Variants in FAM20A observed in about 807,000 individuals in gnomAD.
FAM20A encodes the protein pseudokinase FAM20A.
In FAM20A, 42 loss-of-function variants were observed where a neutral mutation model predicts 52.0. The ratio of observed to expected loss-of-function variants is 0.81; its 90% CI spans 0.63 to 1.04. The LOEUF (loss-of-function observed/expected upper bound fraction) is 1.04, where lower values mean the gene tolerates loss of function less well. Among genes scored for constraint, FAM20A ranks in the 50% least tolerant of loss-of-function variants. The pLI, the probability that FAM20A is intolerant of heterozygous loss-of-function variation, is 0.00. For missense variants in FAM20A, 742 were observed against 712.7 expected, an observed-to-expected ratio of 1.04 and a Z score of -0.47; for synonymous variants, 304 against 298.9, an observed-to-expected ratio of 1.02 and a Z score of -0.18.
intron 1 of FAM20A, among the ~76,000 whole-genome samples, chr17:68,564,582 G>C (rs1437873693): frequency 3.3e-5 from 5 of 152,228 alleles, no homozygotes; most frequent in African/African-American, 1.2e-4. Context: ...TCATCCAAGG[G>C]ACCTTGGAAT....
intron 1 of FAM20A, among the ~76,000 whole-genome samples, chr17:68,597,841 C>T (rs1225748419): frequency 6.6e-6 from 1 of 152,114 alleles, no homozygotes; most frequent in African/African-American, 2.4e-5. Flanking sequence ...CTAGGGGTGT[C>T]CTCGACCCTG....
intron 1 of FAM20A, among the ~76,000 whole-genome samples, chr17:68,558,875 C>A (rs990856591): frequency 1.3e-5 from 2 of 152,188 alleles, no homozygotes; most frequent in Non-Finnish European, 2.9e-5. Flanking sequence ...TCTCCTGCCT[C>A]AGCCTTCTGA....
At chr17:68,561,122 A>G (rs1419452929) in intron 1 of FAM20A, among the ~76,000 whole-genome samples, 1 of 152,220 alleles carries the variant, frequency 6.6e-6, no homozygotes, top group Admixed American at 6.5e-5. Flanking sequence ...TTTAAAATGC[A>G]GAAATGTTGA....
chr17:68,600,756 GGA>G lies in FAM20A; in HGVS notation c.-92_-91del. 1 of 1,402,506 alleles carries G rather than the reference GGA, an allele frequency of 7.1e-7. No individual in the cohort carries two copies. Among genetic ancestry groups the G allele is most frequent in the Non-Finnish European group, 9.5e-7 (1 of 1,055,748 alleles). The allele number at this position is 1,402,506 out of a possible 1,614,324, so 86.9% of individuals were successfully genotyped here. ...CGGGGTGCGGGCAGAAGAGGTGCCT[GGA>G]GTCCCGCGGGTGGGCCGGGGTCAGT... On this transcript the variant is annotated 5_prime_UTR_variant, in exon 1 of 11. Coordinates refer to ENST00000592554, the MANE Select transcript of FAM20A (RefSeq NM_017565.4). The surrounding 1 kb of genome is among the most constrained non-coding windows in gnomAD (Gnocchi z 6.2).
intron 1 of FAM20A, among the ~76,000 whole-genome samples, chr17:68,577,673 A>C (rs989157490): frequency 6.6e-6 from 1 of 152,250 alleles, no homozygotes; most frequent in African/African-American, 2.4e-5. Context: ...TGATGGCCTG[A>C]AAATTGCTCT....
chr17:68,567,186 G>A (rs1242278181), intron 1 of FAM20A, among the ~76,000 whole-genome samples: 3 of 151,876 alleles, frequency 2.0e-5, no homozygotes, highest in Non-Finnish European at 4.4e-5. Context: ...AGCCTTGGTG[G>A]ACCCTATGGT....
intron 1 of FAM20A, among the ~76,000 whole-genome samples, chr17:68,578,884 A>G (rs2087855850): frequency 7.1e-6 from 1 of 140,718 alleles, no homozygotes; most frequent in Admixed American, 7.2e-5. Context: ...GCGTGGTGGC[A>G]GGTGCCTGTA....
chr17:68,547,636 TTC>T (rs2086631304), intron 4 of FAM20A, among the ~76,000 whole-genome samples: 1 of 152,232 alleles, frequency 6.6e-6, no homozygotes, highest in Non-Finnish European at 1.5e-5. Flanking sequence ...TTCTGCAGCT[TTC>T]TCACCTGTCT....
intron 4 of FAM20A, chr17:68,551,159 G>T: frequency 8.1e-7 from 1 of 1,227,086 alleles, no homozygotes; most frequent in South Asian, 4.1e-5. Context: ...ACCCTAACCT[G>T]TGGGCTGCAG....
chr17:68,595,386 C>T (rs1369712439), intron 1 of FAM20A, among the ~76,000 whole-genome samples: 3 of 152,152 alleles, frequency 2.0e-5, no homozygotes, highest in African/African-American at 2.4e-5. Context: ...TGATAATGGC[C>T]GTCTGGACCA....
chr17:68,589,332 T>G (rs1881072039), intron 1 of FAM20A, among the ~76,000 whole-genome samples: 1 of 152,200 alleles, frequency 6.6e-6, no homozygotes, highest in South Asian at 2.1e-4. Flanking sequence ...AGAAGAACCA[T>G]TCAGCTGAAC....
At chr17:68,546,193 A>G (rs1600542322) in intron 4 of FAM20A, among the ~76,000 whole-genome samples, 1 of 147,686 alleles carries the variant, frequency 6.8e-6, no homozygotes, top group African/African-American at 2.6e-5. Context: ...AAAAAAAAAA[A>G]AAGCAGCAAC....
At chr17:68,594,378 G>A (rs1346320212) in intron 1 of FAM20A, among the ~76,000 whole-genome samples, 14 of 149,836 alleles carry the variant, frequency 9.3e-5, no homozygotes, top group Admixed American at 6.6e-4. Flanking sequence ...CAGCCTGGGC[G>A]ACAGAGCGAG....
rs1422372446 is a variant in FAM20A, at chr17:68,536,784, G to A, written c.*693C>T. On this transcript the variant is annotated 3_prime_UTR_variant, in exon 11 of 11. Transcript: ENST00000592554. ...TTTATTCTGTTACTGGCTGCTTAGT[G>A]TGACATATTTGATGTTATTTCAATT... 4.4e-6 allele frequency: 2 copies of A among 453,902 alleles called. No individual in the cohort carries two copies. Among genetic ancestry groups the A allele is most frequent in the Non-Finnish European group, 4.4e-6 (1 of 226,762 alleles). 28.1% of individuals were successfully genotyped at this position (453,902 alleles called of 1,614,324 possible).
intron 1 of FAM20A, among the ~76,000 whole-genome samples, chr17:68,567,192 A>G (rs1422569352): frequency 2.0e-5 from 3 of 151,878 alleles, no homozygotes; most frequent in African/African-American, 2.4e-5. Context: ...GGTGGACCCT[A>G]TGGTCTCTGT....
intron 4 of FAM20A, among the ~76,000 whole-genome samples, chr17:68,546,201 A>C (rs2086556845): frequency 6.8e-6 from 1 of 146,170 alleles, no homozygotes; most frequent in African/African-American, 2.5e-5. Context: ...AAAAAGCAGC[A>C]ACTCTATCTG....
chr17:68,559,433 A>C (rs2087148247), intron 1 of FAM20A, among the ~76,000 whole-genome samples: 1 of 152,236 alleles, frequency 6.6e-6, no homozygotes, highest in Non-Finnish European at 1.5e-5. Flanking sequence ...AAAAGTATAT[A>C]TCACAAAAAT....
At chr17:68,538,647 C>G (rs2086166086) in intron 10 of FAM20A, among the ~76,000 whole-genome samples, 1 of 152,120 alleles carries the variant, frequency 6.6e-6, no homozygotes, top group Non-Finnish European at 1.5e-5. Flanking sequence ...CAGGGTTTTG[C>G]TTAGATGGTG....
chr17:68,566,022 T>C (rs1206588668), intron 1 of FAM20A, among the ~76,000 whole-genome samples: 1 of 152,152 alleles, frequency 6.6e-6, no homozygotes, highest in Non-Finnish European at 1.5e-5. Flanking sequence ...GTTCCTGTAC[T>C]TTCCTCCCAC....
Sources: gnomAD v4.1 joint callset for allele counts (sites outside exome capture counted in the v4.1 genomes callset) on GRCh38, gnomAD v4.1.1 for gene constraint, Gnocchi (gnomAD v3.1) non-coding constraint, MANE v1.5 for transcripts, NCBI Gene and HGNC (gene_info 2026-07-23, HGNC 2026-07-21) for gene names.